PTPRD: variants seen among roughly 807,000 people sequenced by gnomAD.
The protein encoded by PTPRD is protein tyrosine phosphatase receptor type D, also known as receptor-type tyrosine-protein phosphatase delta.
Under a neutral mutation model 214.5 loss-of-function variants are expected in PTPRD, and 34 were observed. The observed-to-expected ratio is 0.16, with a 90% CI of 0.12 to 0.21. PTPRD has a LOEUF of 0.21. Among genes scored for constraint, PTPRD ranks in the 10% least tolerant of loss-of-function variants. The pLI is 1.00. For missense variants in PTPRD, 2,545 were observed against 2,398.7 expected (o/e 1.06, Z -1.27); for synonymous variants, 1,128 against 845.7 (o/e 1.33, Z -5.79).
chr9:8,769,563 T>A (rs896422340), intron 11 of PTPRD, among the ~76,000 whole-genome samples: 13 of 152,106 alleles, frequency 8.5e-5, no homozygotes, highest in Non-Finnish European at 4.4e-5. Context: ...CTTAATGTGA[T>A]AAATGAAAAA....
intron 2 of PTPRD, among the ~76,000 whole-genome samples, chr9:10,473,920 A>G (rs1300796409): frequency 6.6e-6 from 1 of 151,850 alleles, no homozygotes; most frequent in Non-Finnish European, 1.5e-5. Context: ...TTCCCCTTGA[A>G]AGGAAAGTTT....
intron 11 of PTPRD, among the ~76,000 whole-genome samples, chr9:8,768,211 A>T (rs928817660): frequency 6.6e-6 from 1 of 152,210 alleles, no homozygotes; most frequent in Admixed American, 6.5e-5. Context: ...CCTGGGCAAC[A>T]TAGTGAGACC....
chr9:9,796,783 G>C (rs910525246), intron 5 of PTPRD, among the ~76,000 whole-genome samples: 2 of 152,152 alleles, frequency 1.3e-5, no homozygotes, highest in African/African-American at 4.8e-5. Context: ...CTGAGAAAAG[G>C]ATGCTAGTGT....
At chr9:8,762,731 G>C (rs1310212924) in intron 11 of PTPRD, among the ~76,000 whole-genome samples, 2 of 152,148 alleles carry the variant, frequency 1.3e-5, no homozygotes, top group Admixed American at 6.6e-5. Context: ...CACCTCCTCT[G>C]TTCCAGTTAA....
At chr9:8,582,560 A>G (rs1199736639) in intron 14 of PTPRD, among the ~76,000 whole-genome samples, 2 of 151,540 alleles carry the variant, frequency 1.3e-5, no homozygotes, top group African/African-American at 4.8e-5. Context: ...GAACAATGAT[A>G]TAATAGGGAA....
chr9:9,435,338 C>T (rs182706298), intron 8 of PTPRD, among the ~76,000 whole-genome samples: 1 of 143,306 alleles, frequency 7.0e-6, no homozygotes, highest in African/African-American at 2.5e-5. Context: ...TAGTGAGAAC[C>T]CCCCCACCCC....
At chr9:9,306,930 T>G (rs1595527160) in intron 9 of PTPRD, among the ~76,000 whole-genome samples, 1 of 152,158 alleles carries the variant, frequency 6.6e-6, no homozygotes, top group East Asian at 1.9e-4. Flanking sequence ...CTTAAGAAAC[T>G]GAAGTCTAGG....
chr9:9,195,849 G>A (rs1178449102), intron 9 of PTPRD, among the ~76,000 whole-genome samples: 3 of 151,970 alleles, frequency 2.0e-5, no homozygotes, highest in Admixed American at 2.0e-4. Context: ...AAAAAGTAGG[G>A]GTGAAAACAG....
intron 12 of PTPRD, among the ~76,000 whole-genome samples, chr9:8,670,153 A>G (rs996985594): frequency 2.0e-5 from 3 of 152,134 alleles, no homozygotes; most frequent in Non-Finnish European, 4.4e-5. Flanking sequence ...GGCAGGAGGA[A>G]AAGGCATCAG....
intron 7 of PTPRD, among the ~76,000 whole-genome samples, chr9:9,625,144 A>G (rs1358957468): frequency 6.6e-6 from 1 of 152,152 alleles, no homozygotes; most frequent in Admixed American, 6.5e-5. Flanking sequence ...ACCTGCCTTT[A>G]TTCAGTCCTT....
At chr9:9,592,341 A>G (rs184409288) in intron 7 of PTPRD, among the ~76,000 whole-genome samples, 14 of 152,198 alleles carry the variant, frequency 9.2e-5, no homozygotes, top group Admixed American at 8.5e-4. Context: ...AATGCAAAAC[A>G]AAATCAAACA....
chr9:8,937,394 G>A (rs908583495), intron 11 of PTPRD, among the ~76,000 whole-genome samples: 2 of 152,178 alleles, frequency 1.3e-5, no homozygotes, highest in African/African-American at 4.8e-5. Context: ...GTGAAAATAA[G>A]CAGAGATTAG....
Position 9,506,358 on chromosome 9 carries a change from G to T in PTPRD, c.-237+68374C>A, listed in dbSNP as rs2096570443. On this transcript the variant is annotated intron_variant, in intron 8 of 45. Transcript: ENST00000381196. ...GGGAGAGCTTCAGGGAAGAAGAGCTGATTATATAGCTAAAAAAAAGACTTT... is the reference window on the plus strand; with the variant it reads ...GGGAGAGCTTCAGGGAAGAAGAGCTTATTATATAGCTAAAAAAAAGACTTT... 2.0e-5 allele frequency among the ~76,000 whole-genome samples: 3 copies of T among 151,314 alleles called. No individual in the cohort carries two copies. In the South Asian group the frequency reaches 6.2e-4, roughly 31 times the overall value.
intron 14 of PTPRD, among the ~76,000 whole-genome samples, chr9:8,531,753 C>T (rs2075756222): frequency 6.6e-6 from 1 of 152,114 alleles, no homozygotes; most frequent in Non-Finnish European, 1.5e-5. Flanking sequence ...CTCGGAAGAA[C>T]TGAGCCAATA....
intron 10 of PTPRD, among the ~76,000 whole-genome samples, chr9:9,123,804 G>T (rs2099819908): frequency 1.3e-5 from 2 of 152,084 alleles, no homozygotes; most frequent in Non-Finnish European, 2.9e-5. Context: ...TGCAAATTTA[G>T]AATATCAAAA....
chr9:8,679,785 C>T (rs867332484), intron 12 of PTPRD, among the ~76,000 whole-genome samples: 3 of 151,740 alleles, frequency 2.0e-5, no homozygotes, highest in South Asian at 4.1e-4. Context: ...CTGAGCTCTT[C>T]TTCCACTAGT....
chr9:10,045,385 C>G (rs1242923719), intron 3 of PTPRD, among the ~76,000 whole-genome samples: 1 of 151,676 alleles, frequency 6.6e-6, no homozygotes, highest in Non-Finnish European at 1.5e-5. Context: ...AAATTAGCAT[C>G]TGTATAAAGT....
intron 2 of PTPRD, among the ~76,000 whole-genome samples, chr9:10,450,521 C>T (rs1226740481): frequency 6.6e-6 from 1 of 151,800 alleles, no homozygotes; most frequent in African/African-American, 2.4e-5. Flanking sequence ...ATTTATAGTC[C>T]CTAATCTGTA....
At chr9:10,354,188 G>A (rs2097230008) in intron 2 of PTPRD, among the ~76,000 whole-genome samples, 1 of 151,976 alleles carries the variant, frequency 6.6e-6, no homozygotes, top group African/African-American at 2.4e-5. Context: ...ACATTGTCCA[G>A]CATATTTTAA....
Sources: gnomAD v4.1 joint callset for allele counts (sites outside exome capture counted in the v4.1 genomes callset) on GRCh38, gnomAD v4.1.1 for gene constraint, MANE v1.5 for transcripts, NCBI Gene and HGNC (gene_info 2026-07-23, HGNC 2026-07-21) for gene names.